Variants in ZXDC observed in about 807,000 individuals in gnomAD.
ZXDC encodes zinc finger protein ZXDC.
ZXDC carries 58 observed loss-of-function variants against 63.6 expected under a neutral mutation model. The observed-to-expected ratio is 0.91, with a 90% CI of 0.74 to 1.13. ZXDC has a LOEUF of 1.13. Among genes scored for constraint, ZXDC ranks in the 50% most tolerant of loss-of-function variants. ZXDC has a pLI of 0.00. For synonymous variants in ZXDC, 561 were observed against 496.1 expected (o/e 1.13, Z -1.74); for missense variants, 1,133 against 1,148.9 (o/e 0.99, Z 0.20).
rs1014250916 is a variant in ZXDC at position 126,461,277 on chromosome 3, C to G, written c.2127+258G>C. On this transcript the variant is annotated intron_variant, in intron 6 of 9. Coordinates refer to ENST00000389709, the MANE Select transcript of ZXDC (RefSeq NM_025112.5). ...AGGAAAGGAGCACATTACCATGGAG[C>G]CACAGGACTCCAAAGGACCTCAGAA... 58 of 1,278,672 alleles carry G rather than the reference C, an allele frequency of 4.5e-5. No individual in the cohort carries two copies. In the Middle Eastern group the frequency reaches 9.0e-4, roughly 20 times the overall value. 79.2% of individuals were successfully genotyped at this position (1,278,672 alleles called of 1,614,324 possible). A position where few individuals can be genotyped will look rare whatever the true frequency, so the allele number is the denominator to read the frequency against.
chr3:126,443,901 A>G (rs1003299403), intron 7 of ZXDC, among the ~76,000 whole-genome samples: 1 of 152,274 alleles, frequency 6.6e-6, no homozygotes. Flanking sequence ...AAGCAAAATT[A>G]TATTAAAAAT....
intron 7 of ZXDC, chr3:126,452,469 G>C (rs1203131544): frequency 2.0e-6 from 2 of 985,334 alleles, no homozygotes; most frequent in Non-Finnish European, 2.4e-6. Context: ...CCTAACAGGT[G>C]AGCACACAGG....
intron 8 of ZXDC, 72 bp downstream of exon 8, chr3:126,441,693 C>G: frequency 1.4e-6 from 2 of 1,471,060 alleles, no homozygotes; most frequent in Non-Finnish European, 1.8e-6. Context: ...TGCAGCATGC[C>G]GCACACTGCT....
At position 126,454,596 on chromosome 3, in the gene ZXDC, G is replaced by A. The variant is rs147450067; in HGVS notation, c.2212+5057C>T. Reference sequence around the variant, plus strand: ...TGTGCTTCCCATGTATTCAATCTTCGTCTCTTGAAAGGAGAGGTGCCCTCA... The same window carrying A: ...TGTGCTTCCCATGTATTCAATCTTCATCTCTTGAAAGGAGAGGTGCCCTCA... On this transcript the variant is annotated intron_variant, in intron 7 of 9. Coordinates refer to ENST00000389709, the MANE Select transcript of ZXDC (RefSeq NM_025112.5). 462 of 985,316 alleles carry A rather than the reference G, an allele frequency of 4.7e-4. 1 individual carries two copies. The African/African-American group carries it at 5.1e-3, about 11-fold the overall frequency. The allele number at this position is 985,316 out of a possible 1,614,324, so 61.0% of individuals were successfully genotyped here. A position where few individuals can be genotyped will look rare whatever the true frequency, so the allele number is the denominator to read the frequency against.
chr3:126,467,923 C>T (rs1289977485), intron 4 of ZXDC, among the ~76,000 whole-genome samples: 1 of 152,164 alleles, frequency 6.6e-6, no homozygotes, highest in African/African-American at 2.4e-5. Flanking sequence ...CACTGGGTTT[C>T]CATTTTTTAA....
intron 7 of ZXDC, among the ~76,000 whole-genome samples, chr3:126,444,488 T>C (rs57450007): frequency 2.2e-4 from 33 of 151,620 alleles, no homozygotes; most frequent in South Asian, 2.1e-3. Context: ...GCCGAGATCA[T>C]GCCACTGCAC....
chr3:126,445,937 A>G (rs1193728164), intron 7 of ZXDC, among the ~76,000 whole-genome samples: 1 of 152,220 alleles, frequency 6.6e-6, no homozygotes, highest in Non-Finnish European at 1.5e-5. Context: ...AGGGATGCTT[A>G]AGGACATGCC....
rs140228774 is a variant in ZXDC, at chr3:126,452,203, T to A, written c.2212+7450A>T. The A allele has an allele frequency of 3.7e-4, 365 of 985,436 alleles. No individual in the cohort carries two copies. The African/African-American group carries it at 6.1e-3, about 17-fold the overall frequency. The allele number at this position is 985,436 out of a possible 1,614,324, so 61.0% of individuals were successfully genotyped here. A position where few individuals can be genotyped will look rare whatever the true frequency, so the allele number is the denominator to read the frequency against. ...GAACATGCTTTCAGCTGCCACAGCC[T>A]TGCGTGAAGTCTTAGCTACAGTGCA... On this transcript the variant is annotated intron_variant, in intron 7 of 9. Transcript: ENST00000389709.
rs537737111 is a variant in ZXDC at position 126,458,729 on chromosome 3, A to C, written c.2212+924T>G. Reference sequence around the variant, plus strand: ...TAAAGGCATCCGCTTTCCTTCATGAACTTTCCTTGGTATATGGTCAACTCT... The same window carrying C: ...TAAAGGCATCCGCTTTCCTTCATGACCTTTCCTTGGTATATGGTCAACTCT... On this transcript the variant is annotated intron_variant, in intron 7 of 9. Coordinates refer to ENST00000389709, the MANE Select transcript of ZXDC (RefSeq NM_025112.5). 4.1e-6 allele frequency: 4 copies of C among 985,372 alleles called. No individual in the cohort carries two copies. The East Asian group carries it at 4.5e-4, about 112-fold the overall frequency. The allele number at this position is 985,372 out of a possible 1,614,324, so 61.0% of individuals were successfully genotyped here.
intron 7 of ZXDC, among the ~76,000 whole-genome samples, chr3:126,452,722 G>C (rs1275559637): frequency 6.6e-6 from 1 of 150,870 alleles, no homozygotes; most frequent in Non-Finnish European, 1.5e-5. Flanking sequence ...ATCTTCGTAA[G>C]AGTCACCAAT....
chr3:126,467,710 G>T (rs1469076531), intron 4 of ZXDC, among the ~76,000 whole-genome samples: 1 of 152,188 alleles, frequency 6.6e-6, no homozygotes, highest in African/African-American at 2.4e-5. Flanking sequence ...GCCCAGGACT[G>T]CCCTGCAAGC....
chr3:126,459,934 G>C (rs1240295897), intron 6 of ZXDC, 197 bp from the exon 7 acceptor site: 1 of 985,370 alleles, frequency 1.0e-6, no homozygotes, highest in African/African-American at 1.7e-5. Flanking sequence ...CTGGAACAAT[G>C]TATGTGACTT....
intron 8 of ZXDC, chr3:126,441,089 T>C: frequency 1.0e-6 from 1 of 985,452 alleles, no homozygotes; most frequent in South Asian, 4.7e-5. Context: ...TCCTTCCAAA[T>C]CATCTTCCCT....
chr3:126,443,882 T>C (rs879825624), intron 7 of ZXDC, among the ~76,000 whole-genome samples: 4 of 152,218 alleles, frequency 2.6e-5, no homozygotes, highest in African/African-American at 7.2e-5. Context: ...TAGATAATTA[T>C]GATATTAAAA....
intron 7 of ZXDC, among the ~76,000 whole-genome samples, chr3:126,448,063 G>A (rs1381745530): frequency 6.6e-6 from 1 of 151,406 alleles, no homozygotes; most frequent in Non-Finnish European, 1.5e-5. Context: ...GAAAGGTGGG[G>A]ACACGAGGAC....
At chr3:126,463,853 A>C (rs562725319) in intron 5 of ZXDC, among the ~76,000 whole-genome samples, 152 of 152,354 alleles carry the variant, frequency 1.0e-3, no homozygotes, top group Non-Finnish European at 1.8e-3. Flanking sequence ...CTACAAAAGA[A>C]GTCTATTCTA....
intron 5 of ZXDC, among the ~76,000 whole-genome samples, chr3:126,465,763 C>T (rs1934731954): frequency 6.6e-6 from 1 of 152,132 alleles, no homozygotes; most frequent in Admixed American, 6.5e-5. Context: ...CCAGCCTGAG[C>T]AACATAGTGA....
chr3:126,464,241 C>A (rs1474388144), intron 5 of ZXDC, among the ~76,000 whole-genome samples: 1 of 152,174 alleles, frequency 6.6e-6, no homozygotes, highest in Non-Finnish European at 1.5e-5. Flanking sequence ...ACTAAATAAA[C>A]ATTAGATAGC....
chr3:126,444,156 A>C (rs1028253382), intron 7 of ZXDC, among the ~76,000 whole-genome samples: 4 of 152,210 alleles, frequency 2.6e-5, no homozygotes, highest in Admixed American at 2.0e-4. Flanking sequence ...CTGCAGCCAG[A>C]ACAGTCGCAT....
Sources: gnomAD v4.1 joint callset for allele counts (sites outside exome capture counted in the v4.1 genomes callset) on GRCh38, gnomAD v4.1.1 for gene constraint, MANE v1.5 for transcripts, NCBI Gene and HGNC (gene_info 2026-07-23, HGNC 2026-07-21) for gene names.